Variants in FHOD3 observed in about 807,000 individuals in gnomAD.
FHOD3 encodes formin homology 2 domain containing 3, also known as FH1/FH2 domain-containing protein 3.
In FHOD3, 90 loss-of-function variants were observed where a neutral mutation model predicts 173.0. The ratio of observed to expected loss-of-function variants is 0.52; its 90% CI spans 0.44 to 0.62. FHOD3 has a LOEUF of 0.62. FHOD3 is among the 20% of genes least tolerant of loss of function. The probability of loss-of-function intolerance (pLI) is 0.00; values close to 1 mark genes in which losing one functional copy is unlikely to be tolerated. For missense variants in FHOD3, 1,945 were observed against 2,034.7 expected (o/e 0.96, Z 0.85); for synonymous variants, 828 against 823.0 (o/e 1.01, Z -0.10).
intron 3 of FHOD3, among the ~76,000 whole-genome samples, chr18:36,493,200 T>G (rs1031267954): frequency 7.1e-6 from 1 of 141,680 alleles, no homozygotes; most frequent in African/African-American, 2.6e-5. Flanking sequence ...TCTGAACTTT[T>G]TCTTTTCTTT....
intron 8 of FHOD3, among the ~76,000 whole-genome samples, chr18:36,605,977 C>A (rs1397858185): frequency 6.6e-6 from 1 of 152,028 alleles, no homozygotes; most frequent in African/African-American, 2.4e-5. Flanking sequence ...AAACTGATTG[C>A]CTTGTAAAAT....
intron 3 of FHOD3, among the ~76,000 whole-genome samples, chr18:36,490,806 A>G (rs1032930252): frequency 6.6e-6 from 1 of 152,214 alleles, no homozygotes; most frequent in Non-Finnish European, 1.5e-5. Flanking sequence ...GTTTGAAAGA[A>G]GGAAAGACAG....
chr18:36,576,321 A>G, intron 5 of FHOD3, 130 bp from the exon 6 acceptor site: 1 of 542,120 alleles, frequency 1.8e-6, no homozygotes, highest in Non-Finnish European at 3.1e-6. Flanking sequence ...GAGCTCAGGA[A>G]TTCTCCTCAG....
chr18:36,514,014 C>CTTTTT lies in FHOD3; in HGVS notation c.511+1479_511+1483dup, dbSNP rs58493993. On this transcript the variant is annotated intron_variant, in intron 5 of 28. Coordinates refer to ENST00000590592, the MANE Select transcript of FHOD3 (RefSeq NM_001281740.3). ...ATTGCTGAATTTTGCTATTTCTATTCTTTTTTTTTTTTGAGATGGAGTCTT... is the reference window on the plus strand; with the variant it reads ...ATTGCTGAATTTTGCTATTTCTATTCTTTTTTTTTTTTTTTTTGAGATGGAGTCTT... Among the ~76,000 whole-genome samples the CTTTTT allele has an allele frequency of 3.0e-4, 31 of 104,640 alleles. 3 individuals are homozygous for CTTTTT. The highest frequency in any genetic ancestry group is 9.6e-4 in the Admixed American group (9 of 9,344). The allele number at this position is 104,640 out of a possible 152,430, so 68.6% of individuals were successfully genotyped here. A position where few individuals can be genotyped will look rare whatever the true frequency, so the allele number is the denominator to read the frequency against.
intron 1 of FHOD3, among the ~76,000 whole-genome samples, chr18:36,302,860 A>T (rs2091990537): frequency 6.6e-6 from 1 of 152,234 alleles, no homozygotes; most frequent in Non-Finnish European, 1.5e-5. Flanking sequence ...TGTAAGCAGA[A>T]TCAAATCTGA....
chr18:36,346,417 A>G (rs893000020), intron 1 of FHOD3, among the ~76,000 whole-genome samples: 2 of 152,034 alleles, frequency 1.3e-5, no homozygotes, highest in African/African-American at 2.4e-5. Flanking sequence ...ATTTTATCCC[A>G]TCTCCCTGCC....
chr18:36,466,444 G>C (rs539231998), intron 3 of FHOD3, among the ~76,000 whole-genome samples: 2 of 152,112 alleles, frequency 1.3e-5, no homozygotes, highest in Admixed American at 6.5e-5. Context: ...TTAAAGGCAG[G>C]GGTATATTTT....
At chr18:36,557,458 T>G (rs1568424210) in intron 5 of FHOD3, among the ~76,000 whole-genome samples, 1 of 152,214 alleles carries the variant, frequency 6.6e-6, no homozygotes, top group Non-Finnish European at 1.5e-5. Context: ...ATTTTCGTCT[T>G]GGAAATTGTG....
chr18:36,736,625 C>G lies in FHOD3; in HGVS notation c.3577-4031C>G, dbSNP rs7234107. 2.8e-3 allele frequency among the ~76,000 whole-genome samples: 419 copies of G among 152,288 alleles called. 2 individuals are homozygous for G. Among genetic ancestry groups the G allele is most frequent in the African/African-American group, 9.6e-3 (401 of 41,558 alleles). ...AAGCCATCCCTCTGAAGTCAAGCTG[C>G]CTCTCTCTGACATCAAACGACAATC... is the stretch of plus-strand genomic sequence containing the variant. On this transcript the variant is annotated intron_variant, in intron 20 of 28. Transcript: ENST00000590592.
chr18:36,469,111 G>C (rs1708700), intron 3 of FHOD3, among the ~76,000 whole-genome samples: 72,824 of 151,968 alleles, frequency 0.48, 18,087 homozygotes, highest in South Asian at 0.6. Flanking sequence ...TGTGACCACT[G>C]TGATGCCTGT....
In FHOD3 at chr18:36,730,671, A is replaced by G; in HGVS notation, c.3443A>G (p.Gln1148Arg). The G allele has an allele frequency of 6.2e-7, 1 of 1,613,784 alleles. No homozygotes were observed. The change falls in exon 20 of 29, where the codon CAA becomes CGA. Residue 1148 changes from glutamine to arginine, a missense_variant. By Grantham distance (43) the Gln-to-Arg change is conservative. Transcript: ENST00000590592. The stretch of plus-strand genomic sequence containing the variant: ...AAAACTGCTGCAGATGGAAAAAGGC[A>G]AGAGATCATTGTTCTGGATTCCAAG... The part of the protein sequence containing the change: ...SKKTAADGKR[Q>R]EIIVLDSKRS...
intron 3 of FHOD3, among the ~76,000 whole-genome samples, chr18:36,477,567 CTA>C (rs1339046108): frequency 9.6e-5 from 14 of 145,326 alleles, no homozygotes; most frequent in African/African-American, 3.6e-4. Context: ...ACCTACCTAC[CTA>C]CCTACCTACC....
chr18:36,527,141 G>GGGA (rs1213637135), intron 5 of FHOD3, among the ~76,000 whole-genome samples: 1 of 152,160 alleles, frequency 6.6e-6, no homozygotes, highest in Non-Finnish European at 1.5e-5. Flanking sequence ...GAGGGGCCCT[G>GGGA]GGAGGCTCAT....
intron 3 of FHOD3, among the ~76,000 whole-genome samples, chr18:36,413,849 G>A (rs1367652766): frequency 6.6e-6 from 1 of 152,146 alleles, no homozygotes; most frequent in African/African-American, 2.4e-5. Flanking sequence ...ACCAAAAAGT[G>A]TCTTCAAAAC....
At chr18:36,764,809 C>A (rs537888592) in intron 27 of FHOD3, among the ~76,000 whole-genome samples, 18 of 152,210 alleles carry the variant, frequency 1.2e-4, no homozygotes, top group African/African-American at 3.6e-4. Context: ...GAGTGGCAAG[C>A]CACCCACCTG....
At chr18:36,596,769 G>A (rs2030504787) in intron 7 of FHOD3, among the ~76,000 whole-genome samples, 1 of 152,098 alleles carries the variant, frequency 6.6e-6, no homozygotes, top group East Asian at 1.9e-4. Context: ...TGTTTCCCAG[G>A]CTGAGGCAAG....
chr18:36,642,026 C>G (rs549835271), intron 10 of FHOD3, among the ~76,000 whole-genome samples: 3 of 151,452 alleles, frequency 2.0e-5, no homozygotes, highest in Non-Finnish European at 2.9e-5. Flanking sequence ...TTTTAGTAAA[C>G]GAATGCAGGA....
chr18:36,604,130 G>A (rs903732), intron 8 of FHOD3, among the ~76,000 whole-genome samples: 19,123 of 152,134 alleles, frequency 0.13, 1,490 homozygotes, highest in East Asian at 0.39. Context: ...CCCAGTCTCA[G>A]GTCTGGAGTT....
intron 4 of FHOD3, among the ~76,000 whole-genome samples, chr18:36,508,028 T>C (rs935705382): frequency 4.6e-5 from 7 of 152,136 alleles, no homozygotes; most frequent in Non-Finnish European, 1.0e-4. Context: ...TAGTAAAATA[T>C]ACCCTAAGAA....
Sources: gnomAD v4.1 joint callset for allele counts (sites outside exome capture counted in the v4.1 genomes callset) on GRCh38, gnomAD v4.1.1 for gene constraint, MANE v1.5 for transcripts, NCBI Gene and HGNC (gene_info 2026-07-23, HGNC 2026-07-21) for gene names.